SH3KBP1: variants seen among roughly 807,000 people sequenced by gnomAD.
SH3KBP1 encodes SH3 domain-containing kinase-binding protein 1.
In SH3KBP1, 8 loss-of-function variants were observed where a neutral mutation model predicts 50.1. The ratio of observed to expected loss-of-function variants is 0.16; its 90% CI spans 0.09 to 0.29. The LOEUF (loss-of-function observed/expected upper bound fraction) is 0.29. Ranked by LOEUF, SH3KBP1 falls within the 10% of genes least tolerant of loss-of-function variation. The pLI is 1.00. For missense variants in SH3KBP1, 377 were observed against 535.2 expected, an observed-to-expected ratio of 0.70 and a Z score of 2.92; for synonymous variants, 227 against 218.6, an observed-to-expected ratio of 1.04 and a Z score of -0.34.
intron 11 of SH3KBP1, among the ~76,000 whole-genome samples, chrX:19,591,032 G>A (rs1272201357): frequency 1.9e-5 from 2 of 107,834 alleles, no homozygotes; most frequent in Admixed American, 1.0e-4. Context: ...TCTTCAATCC[G>A]TGACACAGAC....
At chrX:19,871,233 C>T (rs181083428) in intron 1 of SH3KBP1, among the ~76,000 whole-genome samples, 2 of 112,294 alleles carry the variant, frequency 1.8e-5, no homozygotes, top group East Asian at 5.6e-4. Flanking sequence ...CAATCTTCAC[C>T]CAATTAGGGA....
At position 19,536,335 on chromosome X, in the gene SH3KBP1, G is replaced by T; in HGVS notation, c.*82C>A. 1 of 633,496 alleles carries T rather than the reference G, an allele frequency of 1.6e-6. No homozygotes were observed. The highest frequency in any genetic ancestry group is 2.5e-6 in the Non-Finnish European group (1 of 400,207). The allele number at this position is 633,496 out of a possible 1,213,427, so 52.2% of individuals were successfully genotyped here. On this transcript the variant is annotated 3_prime_UTR_variant, in exon 18 of 18. Transcript: ENST00000397821. ...TTTTGAGGCAAACCTTTAATCTTTT[G>T]GCACAAGATTATTTTGGCTGGGGCA...
intron 13 of SH3KBP1, among the ~76,000 whole-genome samples, chrX:19,551,360 G>T (rs1310829113): frequency 9.1e-6 from 1 of 110,404 alleles, no homozygotes; most frequent in Non-Finnish European, 1.9e-5. Context: ...GGCTCATAAA[G>T]GCACCCATCT....
intron 7 of SH3KBP1, among the ~76,000 whole-genome samples, chrX:19,643,570 A>T (rs946588003): frequency 5.5e-5 from 6 of 110,022 alleles, no homozygotes; most frequent in Non-Finnish European, 1.1e-4. Context: ...CCTGGTGTCT[A>T]TGAAAAATGT....
At chrX:19,859,057 C>T (rs1262879117) in intron 1 of SH3KBP1, among the ~76,000 whole-genome samples, 2 of 112,065 alleles carry the variant, frequency 1.8e-5, no homozygotes, top group Non-Finnish European at 3.8e-5. Flanking sequence ...AAGATGAAGG[C>T]AACCCAGGAA....
chrX:19,678,314 T>C (rs1046180638), intron 6 of SH3KBP1, among the ~76,000 whole-genome samples: 9 of 110,550 alleles, frequency 8.1e-5, no homozygotes, highest in Non-Finnish European at 1.3e-4. Flanking sequence ...AAAGTGTCTA[T>C]AGATTCAATG....
chrX:19,685,333 T>C (rs1043425300), intron 5 of SH3KBP1, among the ~76,000 whole-genome samples: 9 of 112,466 alleles, frequency 8.0e-5, no homozygotes, highest in African/African-American at 2.9e-4. Flanking sequence ...AGACAAAATA[T>C]AGAAAGGTCA....
At chrX:19,838,986 C>T (rs945361610) in intron 1 of SH3KBP1, among the ~76,000 whole-genome samples, 1 of 110,169 alleles carries the variant, frequency 9.1e-6, no homozygotes, top group African/African-American at 3.3e-5. Flanking sequence ...TCTTTGCCCA[C>T]CACATGGGGA....
chrX:19,663,261 A>T (rs1476683716), intron 6 of SH3KBP1, among the ~76,000 whole-genome samples: 1 of 112,087 alleles, frequency 8.9e-6, no homozygotes, highest in African/African-American at 3.2e-5. Flanking sequence ...ACCTATTTTA[A>T]TCACGTGCTT....
intron 3 of SH3KBP1, among the ~76,000 whole-genome samples, chrX:19,731,987 C>T (rs941988134): frequency 3.6e-5 from 4 of 111,807 alleles, no homozygotes; most frequent in Non-Finnish European, 7.5e-5. Context: ...TTCCTTTTTT[C>T]ATTTAATATA....
chrX:19,568,131 G>A, intron 13 of SH3KBP1, among the ~76,000 whole-genome samples: 1 of 111,403 alleles, frequency 9.0e-6, no homozygotes, highest in Non-Finnish European at 1.9e-5. Flanking sequence ...GGGAGGCGGT[G>A]GGGATGGTTA....
chrX:19,679,844 A>G (rs2063005625), intron 6 of SH3KBP1, among the ~76,000 whole-genome samples: 1 of 112,216 alleles, frequency 8.9e-6, no homozygotes, highest in Admixed American at 9.4e-5. Context: ...AATCATTCGG[A>G]GACATATCCA....
At chrX:19,795,133 T>C (rs1317510092) in intron 2 of SH3KBP1, among the ~76,000 whole-genome samples, 1 of 111,917 alleles carries the variant, frequency 8.9e-6, no homozygotes, top group African/African-American at 3.3e-5. Context: ...CACACCCCAT[T>C]ATGATGAATT....
chrX:19,792,242 A>G (rs1375908382), intron 2 of SH3KBP1, among the ~76,000 whole-genome samples: 3 of 112,084 alleles, frequency 2.7e-5, no homozygotes, highest in Admixed American at 9.4e-5. Context: ...TTTAAATTAA[A>G]AAGCTGTTTA....
intron 6 of SH3KBP1, 62 bp downstream of exon 6, chrX:19,683,761 C>G: frequency 9.2e-7 from 1 of 1,081,608 alleles, no homozygotes; most frequent in Non-Finnish European, 1.3e-6. Flanking sequence ...GCACCAAACC[C>G]CACAACGTAC....
At chrX:19,573,606 T>C (rs1230327668) in intron 12 of SH3KBP1, among the ~76,000 whole-genome samples, 1 of 111,919 alleles carries the variant, frequency 8.9e-6, no homozygotes, top group African/African-American at 3.2e-5. Flanking sequence ...CTCTTAATAA[T>C]AGCAACTAGA....
intron 4 of SH3KBP1, 55 bp from the exon 5 acceptor site, chrX:19,695,796 G>A (rs2063402135): frequency 8.5e-7 from 1 of 1,175,949 alleles, no homozygotes; most frequent in African/African-American, 1.8e-5. Flanking sequence ...AGACATGGTG[G>A]TTTCCAATTT....
At chrX:19,763,529 T>C (rs375738814) in intron 2 of SH3KBP1, among the ~76,000 whole-genome samples, 3 of 112,244 alleles carry the variant, frequency 2.7e-5, no homozygotes, top group East Asian at 5.6e-4. Flanking sequence ...TCTCTGTATA[T>C]AAAAGAAGTG....
intron 2 of SH3KBP1, among the ~76,000 whole-genome samples, chrX:19,746,710 G>A (rs2064929125): frequency 8.9e-6 from 1 of 111,881 alleles, no homozygotes; most frequent in Non-Finnish European, 1.9e-5. Context: ...AAGAGAATGA[G>A]TGAAACATAA....
Sources: allele counts gnomAD v4.1 joint callset (sites outside exome capture counted in the v4.1 genomes callset), GRCh38; gene constraint gnomAD v4.1.1; transcripts MANE v1.5; gene names NCBI Gene and HGNC (gene_info 2026-07-23, HGNC 2026-07-21).